Variants in DIP2B observed in about 807,000 individuals in gnomAD.
The protein encoded by DIP2B is disco-interacting protein 2 homolog B.
DIP2B carries 76 observed loss-of-function variants against 198.0 expected under a neutral mutation model. That is an observed-to-expected ratio of 0.38 (90% confidence interval 0.32 to 0.46). The LOEUF (loss-of-function observed/expected upper bound fraction) is 0.46, where lower values mean the gene tolerates loss of function less well. DIP2B is among the 20% of genes least tolerant of loss of function. DIP2B has a pLI of 0.99. For missense variants in DIP2B, 1,559 were observed against 1,978.4 expected (o/e 0.79, Z 4.02); for synonymous variants, 701 against 739.1 (o/e 0.95, Z 0.84).
At position 50,685,923 on chromosome 12, in the gene DIP2B, A is replaced by G; in HGVS notation, c.1408A>G (p.Lys470Glu). Residue 470 changes from lysine to glutamate, a missense_variant, in exon 11 of 38, where the codon AAA becomes GAA. Coordinates refer to ENST00000301180, the MANE Select transcript of DIP2B (RefSeq NM_173602.3). ...TGAAGTTTGTCTAAAAGGACTGCCAAAAACCCAGAATGGAGAAATTGTACA... is the reference window on the plus strand; with the variant it reads ...TGAAGTTTGTCTAAAAGGACTGCCAGAAACCCAGAATGGAGAAATTGTACA... ...TSEVCLKGLPKTQNGEIVQFK... is the reference protein window; with the variant it reads ...TSEVCLKGLPETQNGEIVQFK... 1 of 1,614,030 alleles carries G rather than the reference A, an allele frequency of 6.2e-7. No individual in the cohort carries two copies. The highest frequency in any genetic ancestry group is 8.5e-7 in the Non-Finnish European group (1 of 1,179,896).
At chr12:50,649,540 A>G (rs568410525) in intron 3 of DIP2B, among the ~76,000 whole-genome samples, 1 of 152,192 alleles carries the variant, frequency 6.6e-6, no homozygotes, top group Non-Finnish European at 1.5e-5. Flanking sequence ...AATTAGCTCC[A>G]TATCTCACAC....
chr12:50,593,197 T>G (rs1958834366), intron 1 of DIP2B, among the ~76,000 whole-genome samples: 2 of 152,186 alleles, frequency 1.3e-5, no homozygotes, highest in African/African-American at 4.8e-5. Flanking sequence ...AGAGTGGAGT[T>G]CAGTCTTTTA....
intron 1 of DIP2B, among the ~76,000 whole-genome samples, chr12:50,526,497 A>G (rs184768431): frequency 4.7e-3 from 709 of 152,288 alleles, no homozygotes; most frequent in Non-Finnish European, 8.0e-3. Context: ...TTCAGAATAC[A>G]CAGCTCCAAG....
intron 25 of DIP2B, 144 bp from the exon 26 acceptor site, chr12:50,721,128 AG>A: frequency 7.9e-7 from 1 of 1,267,834 alleles, no homozygotes. Flanking sequence ...TTTGATGCTA[AG>A]GGAATTTTCA....
intron 1 of DIP2B, among the ~76,000 whole-genome samples, chr12:50,508,500 A>C (rs573754689): frequency 6.6e-6 from 1 of 152,284 alleles, no homozygotes; most frequent in South Asian, 2.1e-4. Flanking sequence ...CACTAGATAG[A>C]ATAGGTATTG....
At chr12:50,690,946 C>A in intron 12 of DIP2B, 103 bp from the exon 13 acceptor site, 1 of 875,832 alleles carries the variant, frequency 1.1e-6, no homozygotes, top group East Asian at 2.6e-5. Context: ...TTAAATTCAG[C>A]CCATTATGAT....
At chr12:50,694,066 G>A (rs990586666) in intron 14 of DIP2B, among the ~76,000 whole-genome samples, 2 of 152,146 alleles carry the variant, frequency 1.3e-5, no homozygotes, top group African/African-American at 2.4e-5. Context: ...AGGACCTCCT[G>A]TAAGAAACAG....
intron 1 of DIP2B, among the ~76,000 whole-genome samples, chr12:50,623,938 A>G (rs540566463): frequency 6.6e-6 from 1 of 152,322 alleles, no homozygotes; most frequent in East Asian, 1.9e-4. Context: ...CCTGGGGGAC[A>G]AAACTCTCCT....
intron 1 of DIP2B, among the ~76,000 whole-genome samples, chr12:50,584,462 A>G (rs75967138): frequency 0.041 from 6,234 of 152,332 alleles, 207 homozygotes; most frequent in East Asian, 0.14. Flanking sequence ...GAAAACTGCT[A>G]GAATTTCCTG....
intron 12 of DIP2B, among the ~76,000 whole-genome samples, chr12:50,688,514 G>A (rs999796574): frequency 6.6e-6 from 1 of 151,982 alleles, no homozygotes; most frequent in African/African-American, 2.4e-5. Flanking sequence ...AGCTGGGCCT[G>A]GTGGTATGCA....
intron 1 of DIP2B, among the ~76,000 whole-genome samples, chr12:50,545,818 G>T (rs1035830320): frequency 5.3e-5 from 8 of 151,510 alleles, no homozygotes; most frequent in Admixed American, 2.0e-4. Flanking sequence ...TGTATTTTTA[G>T]TAGAGGCGGG....
chr12:50,690,237 C>A (rs535610966), intron 12 of DIP2B, among the ~76,000 whole-genome samples: 1 of 152,154 alleles, frequency 6.6e-6, no homozygotes, highest in African/African-American at 2.4e-5. Context: ...CAGGCGCCCG[C>A]CACTACGCCC....
chr12:50,550,998 A>G (rs1958422767), intron 1 of DIP2B, among the ~76,000 whole-genome samples: 1 of 151,996 alleles, frequency 6.6e-6, no homozygotes. Context: ...CTGAGGTGGA[A>G]GAATCACCTG....
intron 10 of DIP2B, 93 bp downstream of exon 10, chr12:50,683,341 T>A: frequency 1.9e-6 from 2 of 1,046,736 alleles, no homozygotes; most frequent in South Asian, 3.1e-5. Flanking sequence ...TAAAAACTGT[T>A]CGACCATTTT....
intron 33 of DIP2B, 149 bp downstream of exon 33, chr12:50,734,345 T>C (rs1940100283): frequency 2.7e-6 from 2 of 727,660 alleles, no homozygotes; most frequent in Non-Finnish European, 2.3e-6. Context: ...TTATCATTAA[T>C]ACATAAGATT....
At chr12:50,651,633 C>A (rs1010080801) in intron 3 of DIP2B, among the ~76,000 whole-genome samples, 2 of 149,652 alleles carry the variant, frequency 1.3e-5, no homozygotes, top group Non-Finnish European at 3.0e-5. Context: ...GATCATTTGA[C>A]CTTCTATGTG....
chr12:50,612,559 C>T (rs146478905), intron 1 of DIP2B, among the ~76,000 whole-genome samples: 1 of 151,676 alleles, frequency 6.6e-6, no homozygotes, highest in Non-Finnish European at 1.5e-5. Flanking sequence ...CTCCTGAATA[C>T]CTGAGATTAC....
chr12:50,730,666 C>T (rs1940026407), intron 30 of DIP2B, among the ~76,000 whole-genome samples: 1 of 152,144 alleles, frequency 6.6e-6, no homozygotes, highest in Non-Finnish European at 1.5e-5. Flanking sequence ...GGATTACAGG[C>T]GTGAGCCACC....
intron 1 of DIP2B, among the ~76,000 whole-genome samples, chr12:50,596,694 A>G (rs1258279124): frequency 6.6e-6 from 1 of 152,142 alleles, no homozygotes; most frequent in Non-Finnish European, 1.5e-5. Context: ...GCGAAACCCC[A>G]CCTCTACCAA....
Sources: allele counts gnomAD v4.1 joint callset (sites outside exome capture counted in the v4.1 genomes callset), GRCh38; gene constraint gnomAD v4.1.1; transcripts MANE v1.5; gene names NCBI Gene and HGNC (gene_info 2026-07-23, HGNC 2026-07-21).